NYAP2: variants seen among roughly 807,000 people sequenced by gnomAD.
NYAP2 encodes neuronal tyrosine-phosphorylated phosphoinositide-3-kinase adaptor 2, also known as neuronal tyrosine-phosphorylated phosphoinositide-3-kinase adapter 2.
NYAP2 carries 23 observed loss-of-function variants against 50.4 expected under a neutral mutation model. The ratio of observed to expected loss-of-function variants is 0.46; its 90% CI spans 0.33 to 0.65. The LOEUF is 0.65. Among genes scored for constraint, NYAP2 ranks in the 30% least tolerant of loss-of-function variants. The pLI is 0.02. For synonymous variants in NYAP2, 394 were observed against 365.2 expected (o/e 1.08, Z -0.90); for missense variants, 885 against 861.0 (o/e 1.03, Z -0.35).
At chr2:225,475,585 T>C (rs1384340542) in intron 3 of NYAP2, among the ~76,000 whole-genome samples, 3 of 152,228 alleles carry the variant, frequency 2.0e-5, no homozygotes, top group Admixed American at 6.5e-5. Context: ...AAAATCTGGA[T>C]TGAAAAATTG....
At chr2:225,592,784 A>T (rs1692531211) in intron 5 of NYAP2, among the ~76,000 whole-genome samples, 4 of 152,172 alleles carry the variant, frequency 2.6e-5, no homozygotes, top group Admixed American at 2.6e-4. Context: ...TGATGCAGGC[A>T]GATGTGTTTA....
At chr2:225,638,746 G>A (rs980655554) in intron 6 of NYAP2, among the ~76,000 whole-genome samples, 2 of 152,210 alleles carry the variant, frequency 1.3e-5, no homozygotes, top group Admixed American at 6.5e-5. Flanking sequence ...GAGGGTGAGA[G>A]ACACTAGCCC....
In NYAP2 at chr2:225,473,621, C is replaced by T. The variant is rs925903036; in HGVS notation, c.222-39750C>T. 5.9e-5 allele frequency among the ~76,000 whole-genome samples: 9 copies of T among 152,324 alleles called. No homozygotes were observed. The South Asian group carries it at 1.7e-3, about 28-fold the overall frequency. On this transcript the variant is annotated intron_variant, in intron 3 of 6. Coordinates refer to ENST00000636099, the Ensembl canonical transcript of NYAP2. Reference sequence around the variant, plus strand: ...ATAAATGTCTTCTTTTGAGAAGTGTCTGTTCATATCCTTTGCCCACTTGTT... The same window carrying T: ...ATAAATGTCTTCTTTTGAGAAGTGTTTGTTCATATCCTTTGCCCACTTGTT...
chr2:225,554,207 GT>G (rs1203110757), intron 4 of NYAP2, among the ~76,000 whole-genome samples: 1,343 of 109,814 alleles, frequency 0.012, 10 homozygotes, highest in African/African-American at 0.032. Flanking sequence ...TATTGTTGTT[GT>G]TTTTTTTTTT....
chr2:225,510,107 T>C (rs1161857981), intron 3 of NYAP2, among the ~76,000 whole-genome samples: 1 of 152,188 alleles, frequency 6.6e-6, no homozygotes, highest in Non-Finnish European at 1.5e-5. Context: ...GTGAAGAATA[T>C]ATGTGAAACA....
the NYAP2 span, among the ~76,000 whole-genome samples, chr2:225,693,613 G>A: frequency 3.9e-5 from 6 of 152,170 alleles, no homozygotes; most frequent in South Asian, 1.2e-3. Context: ...ATCTGGTAAA[G>A]ACACTCTTCC....
At chr2:225,604,021 G>A (rs1279394738) in intron 5 of NYAP2, among the ~76,000 whole-genome samples, 1 of 151,988 alleles carries the variant, frequency 6.6e-6, no homozygotes, top group Non-Finnish European at 1.5e-5. Flanking sequence ...TCAGAAATAA[G>A]GAATAACATC....
chr2:225,547,539 G>T (rs569665886), intron 4 of NYAP2, among the ~76,000 whole-genome samples: 1 of 152,286 alleles, frequency 6.6e-6, no homozygotes, highest in Admixed American at 6.5e-5. Context: ...GTCTAAATGC[G>T]CCCTCTGGGC....
chr2:225,480,584 T>C (rs1410263760), intron 3 of NYAP2, among the ~76,000 whole-genome samples: 1 of 152,050 alleles, frequency 6.6e-6, no homozygotes, highest in African/African-American at 2.4e-5. Flanking sequence ...GGCGAGTATT[T>C]GCGTGATTGG....
chr2:225,504,104 G>A (rs772000450), intron 3 of NYAP2, among the ~76,000 whole-genome samples: 10 of 152,154 alleles, frequency 6.6e-5, no homozygotes, highest in South Asian at 2.1e-4. Context: ...ATTAACATTT[G>A]TCCAGCCTCC....
intron 5 of NYAP2, among the ~76,000 whole-genome samples, chr2:225,607,444 A>G (rs567547943): frequency 9.9e-5 from 15 of 152,256 alleles, no homozygotes; most frequent in African/African-American, 3.4e-4. Flanking sequence ...CCTTTCTTCA[A>G]GAACATTCTT....
Position 225,485,133 on chromosome 2 carries a change from A to G in NYAP2, c.222-28238A>G, listed in dbSNP as rs187218631. Among the ~76,000 whole-genome samples the G allele has an allele frequency of 4.6e-5, 7 of 152,286 alleles. No individual in the cohort carries two copies. In the East Asian group the frequency reaches 1.4e-3, roughly 29 times the overall value. On this transcript the variant is annotated intron_variant, in intron 3 of 6. Transcript: ENST00000636099. ...GGTGGGGCCAGGTGGAGATAATTGA[A>G]TCATGGGGGTGGTTTCCCCCATACT...
exon 7 of NYAP2, chr2:225,652,750 A>AT (rs1449259875): frequency 6.6e-6 from 1 of 152,214 alleles, no homozygotes; most frequent in East Asian, 1.9e-4. Flanking sequence ...AAAATTACAT[A>AT]TTCATCTATT....
upstream of NYAP2, among the ~76,000 whole-genome samples, chr2:225,398,624 CAG>C (rs55932860): frequency 4.6e-4 from 69 of 149,196 alleles, no homozygotes; most frequent in Admixed American, 8.0e-4. Context: ...CTTCATAAGG[CAG>C]AGAGAGAGAG....
At chr2:225,658,671 T>G (rs530820512), downstream of NYAP2, among the ~76,000 whole-genome samples, 5 of 152,344 alleles carry the variant, frequency 3.3e-5, no homozygotes, top group South Asian at 1.0e-3. Context: ...TATAAAAATG[T>G]TAGGCTTTAG....
chr2:225,466,767 T>C (rs775719638), intron 3 of NYAP2, among the ~76,000 whole-genome samples: 1 of 152,136 alleles, frequency 6.6e-6, no homozygotes, highest in Non-Finnish European at 1.5e-5. Context: ...TTTATAATAT[T>C]GAGAGAATTT....
At chr2:225,553,913 A>G (rs1027106478) in intron 4 of NYAP2, among the ~76,000 whole-genome samples, 2 of 152,100 alleles carry the variant, frequency 1.3e-5, no homozygotes, top group African/African-American at 2.4e-5. Flanking sequence ...ATTGCTACTC[A>G]GGAGGCTGAG....
At chr2:225,527,172 G>A (rs1574659396) in intron 4 of NYAP2, among the ~76,000 whole-genome samples, 1 of 152,266 alleles carries the variant, frequency 6.6e-6, no homozygotes, top group Non-Finnish European at 1.5e-5. Flanking sequence ...TTTGTTCAGT[G>A]TCTTAGATTC....
chr2:225,450,931 C>T (rs191983168), intron 3 of NYAP2, among the ~76,000 whole-genome samples: 195 of 152,164 alleles, frequency 1.3e-3, no homozygotes, highest in Admixed American at 3.8e-3. Context: ...GAATGCTGTT[C>T]ATGAGAATAC....
Sources: gnomAD v4.1 joint callset for allele counts (sites outside exome capture counted in the v4.1 genomes callset) on GRCh38, gnomAD v4.1.1 for gene constraint, MANE v1.5 for transcripts, NCBI Gene and HGNC (gene_info 2026-07-23, HGNC 2026-07-21) for gene names.